CDH4: variants seen among roughly 807,000 people sequenced by gnomAD.
CDH4 encodes the protein cadherin-4.
Under a neutral mutation model 86.0 loss-of-function variants are expected in CDH4, and 33 were observed. The ratio of observed to expected loss-of-function variants is 0.38; its 90% CI spans 0.29 to 0.51. The LOEUF (loss-of-function observed/expected upper bound fraction) is 0.51. Ranked by LOEUF, CDH4 falls within the 20% of genes least tolerant of loss-of-function variation. The probability of loss-of-function intolerance (pLI) is 0.86; values close to 1 mark genes in which losing one functional copy is unlikely to be tolerated. For missense variants in CDH4, 1,114 were observed against 1,307.4 expected, an observed-to-expected ratio of 0.85 and a Z score of 2.28; for synonymous variants, 555 against 549.4, an observed-to-expected ratio of 1.01 and a Z score of -0.14.
intron 4 of CDH4, among the ~76,000 whole-genome samples, chr20:61,839,095 G>A (rs1284704898): frequency 6.6e-6 from 1 of 152,234 alleles, no homozygotes; most frequent in Non-Finnish European, 1.5e-5. Flanking sequence ...TAATATCATA[G>A]AAGGAGAAAG....
At chr20:61,458,654 G>A (rs1252148712) in intron 2 of CDH4, among the ~76,000 whole-genome samples, 1 of 152,134 alleles carries the variant, frequency 6.6e-6, no homozygotes, top group African/African-American at 2.4e-5. Flanking sequence ...TGATGATGGT[G>A]ATAATGGTAA....
intron 2 of CDH4, among the ~76,000 whole-genome samples, chr20:61,603,056 C>T (rs1600798862): frequency 6.6e-6 from 1 of 152,218 alleles, no homozygotes; most frequent in Non-Finnish European, 1.5e-5. Flanking sequence ...TAAGGATACA[C>T]GTTGGGAGCG....
intron 2 of CDH4, among the ~76,000 whole-genome samples, chr20:61,355,687 ATGTAGACATGCACACCTG>A (rs2084745306): frequency 6.6e-6 from 1 of 152,224 alleles, no homozygotes; most frequent in Non-Finnish European, 1.5e-5. Flanking sequence ...GGGAGAAACC[ATGTAGACATGCACACCTG>A]TGTGTGTGTG....
At chr20:61,551,793 A>G (rs549025840) in intron 2 of CDH4, among the ~76,000 whole-genome samples, 13 of 152,366 alleles carry the variant, frequency 8.5e-5, no homozygotes, top group Non-Finnish European at 4.4e-5. Flanking sequence ...ATATAGACCA[A>G]TAGAAGTGAA....
intron 2 of CDH4, among the ~76,000 whole-genome samples, chr20:61,695,693 G>A (rs1312560682): frequency 6.6e-6 from 1 of 152,236 alleles, no homozygotes; most frequent in Non-Finnish European, 1.5e-5. Context: ...CAGGGAGGCA[G>A]TCACAGTGTC....
intron 8 of CDH4, among the ~76,000 whole-genome samples, chr20:61,903,963 G>C (rs1740361): frequency 0.87 from 132,943 of 152,260 alleles, 58,718 homozygotes; most frequent in Non-Finnish European, 0.95. Flanking sequence ...CCTCTCTGCT[G>C]CTGCCCGCTG....
At position 61,829,662 on chromosome 20, in the gene CDH4, A is replaced by T. The variant is rs1006238460; in HGVS notation, c.577-15006A>T. ...GCCAAGCATTAAATACGGACTCACC[A>T]CTGGGGACGGACTTGGACTCCAGGA... On this transcript the variant is annotated intron_variant, in intron 4 of 15. Coordinates refer to ENST00000614565, the MANE Select transcript of CDH4 (RefSeq NM_001794.5). The surrounding 1 kb of genome is among the most constrained non-coding windows in gnomAD (Gnocchi z 4.2). Among the ~76,000 whole-genome samples, 19 of 152,086 alleles carry T rather than the reference A, an allele frequency of 1.2e-4. No homozygotes were observed. The highest frequency in any genetic ancestry group is 2.8e-4 in the Non-Finnish European group (19 of 68,002).
At chr20:61,825,879 G>A (rs1434865026) in intron 4 of CDH4, among the ~76,000 whole-genome samples, 1 of 152,146 alleles carries the variant, frequency 6.6e-6, no homozygotes, top group African/African-American at 2.4e-5. Context: ...CTCTACTCAG[G>A]ACCTTGGAGC....
At chr20:61,469,566 G>A (rs1440022038) in intron 2 of CDH4, among the ~76,000 whole-genome samples, 1 of 152,074 alleles carries the variant, frequency 6.6e-6, no homozygotes, top group Non-Finnish European at 1.5e-5. Flanking sequence ...TTAACTTGAT[G>A]TAATCTTATT....
At chr20:61,759,858 T>C (rs929891607) in intron 3 of CDH4, among the ~76,000 whole-genome samples, 1 of 151,958 alleles carries the variant, frequency 6.6e-6, no homozygotes, top group Non-Finnish European at 1.5e-5. Context: ...CTGCTCAGCA[T>C]CCTACAGAAC....
At chr20:61,484,047 C>G (rs528085662) in intron 2 of CDH4, among the ~76,000 whole-genome samples, 1 of 152,104 alleles carries the variant, frequency 6.6e-6, no homozygotes, top group Non-Finnish European at 1.5e-5. Flanking sequence ...TCTCTTTGCT[C>G]TCCGCTGGGG....
At chr20:61,444,211 T>C (rs1392782764) in intron 2 of CDH4, among the ~76,000 whole-genome samples, 1 of 28,354 alleles carries the variant, frequency 3.5e-5, no homozygotes, top group Non-Finnish European at 8.5e-5. Context: ...TGTGTATCTG[T>C]ATATGGCTGT....
At chr20:61,936,228 A>G (rs2055181097) in intron 15 of CDH4, among the ~76,000 whole-genome samples, 1 of 150,082 alleles carries the variant, frequency 6.7e-6, no homozygotes, top group Non-Finnish European at 1.5e-5. Flanking sequence ...GCTGAGCTTC[A>G]GCCACATGGC....
At chr20:61,523,606 G>A (rs1240615624) in intron 2 of CDH4, among the ~76,000 whole-genome samples, 4 of 152,222 alleles carry the variant, frequency 2.6e-5, no homozygotes, top group Non-Finnish European at 5.9e-5. Context: ...GTCGTGCAGG[G>A]CATGCAACAG....
chr20:61,464,619 C>T (rs536588818), intron 2 of CDH4, among the ~76,000 whole-genome samples: 7 of 152,124 alleles, frequency 4.6e-5, no homozygotes, highest in Non-Finnish European at 1.0e-4. Flanking sequence ...AGATGTTCTC[C>T]CTGGATCCTT....
At chr20:61,716,371 C>T (rs576464568) in intron 2 of CDH4, among the ~76,000 whole-genome samples, 1 of 151,640 alleles carries the variant, frequency 6.6e-6, no homozygotes, top group East Asian at 1.9e-4. Flanking sequence ...GCCTGTGAGC[C>T]TCCTCTTGGC....
At position 61,900,754 on chromosome 20, in the gene CDH4, C is replaced by T. The variant is rs1056911666; in HGVS notation, c.1188+5707C>T. Among the ~76,000 whole-genome samples, 159 of 152,232 alleles carry T rather than the reference C, an allele frequency of 1.0e-3. 1 individual carries two copies. Among genetic ancestry groups the T allele is most frequent in the African/African-American group, 3.3e-3 (137 of 41,546 alleles). ...ATGGGGCCCAGGGGTTGGGGGTGGGCGCTGGGCCAGACTCCCCAGCTTCAA... is the reference window on the plus strand; with the variant it reads ...ATGGGGCCCAGGGGTTGGGGGTGGGTGCTGGGCCAGACTCCCCAGCTTCAA... On this transcript the variant is annotated intron_variant, in intron 8 of 15. Coordinates refer to ENST00000614565, the MANE Select transcript of CDH4 (RefSeq NM_001794.5).
intron 2 of CDH4, among the ~76,000 whole-genome samples, chr20:61,559,519 C>CTTTTTTTTTTT (rs1156864328): frequency 1.0e-4 from 11 of 105,172 alleles, no homozygotes; most frequent in Non-Finnish European, 1.6e-4. Flanking sequence ...ATTTTTTTTT[C>CTTTTTTTTTTT]TTTTTTTTTT....
At chr20:61,696,679 T>C (rs2145879360) in intron 2 of CDH4, among the ~76,000 whole-genome samples, 1 of 152,294 alleles carries the variant, frequency 6.6e-6, no homozygotes, top group South Asian at 2.1e-4. Context: ...GGGGCTGCCC[T>C]GGCCCAGGGC....
Sources: gnomAD v4.1 joint callset for allele counts (sites outside exome capture counted in the v4.1 genomes callset) on GRCh38, gnomAD v4.1.1 for gene constraint, Gnocchi (gnomAD v3.1) non-coding constraint, MANE v1.5 for transcripts, NCBI Gene and HGNC (gene_info 2026-07-23, HGNC 2026-07-21) for gene names.